Variants in SLC38A10 observed in about 807,000 individuals in gnomAD.
SLC38A10 encodes the protein Sodium-coupled neutral amino acid transporter 10.
Under a neutral mutation model 81.0 loss-of-function variants are expected in SLC38A10, and 53 were observed. The ratio of observed to expected loss-of-function variants is 0.65; its 90% CI spans 0.53 to 0.82. The LOEUF (loss-of-function observed/expected upper bound fraction) is 0.82. Ranked by LOEUF, SLC38A10 falls within the 40% of genes least tolerant of loss-of-function variation. The pLI is 0.00. For synonymous variants in SLC38A10, 665 were observed against 655.3 expected (o/e 1.01, Z -0.23); for missense variants, 1,471 against 1,545.0 (o/e 0.95, Z 0.80).
Position 81,253,588 on chromosome 17 carries a change from TCCA to T in SLC38A10, c.1289-351_1289-349del, listed in dbSNP as rs367868065. Among the ~76,000 whole-genome samples the T allele has an allele frequency of 0.049, 7,338 of 150,512 alleles. 220 individuals carry two copies. The highest frequency in any genetic ancestry group is 0.087 in the Middle Eastern group (25 of 286). On this transcript the variant is annotated intron_variant, in intron 11 of 15. Coordinates refer to ENST00000374759, the MANE Select transcript of SLC38A10 (RefSeq NM_001037984.3). The surrounding 1 kb of genome is among the most constrained non-coding windows in gnomAD (Gnocchi z 4.1). ...CATCATCACCGTCATCACCGTCACC[TCCA>T]CCACCACCACCACCATCACCGCTAT... is the stretch of plus-strand genomic sequence containing the variant.
rs747917000 is a variant in SLC38A10 at position 81,276,114 on chromosome 17, G to A, written c.767C>T (p.Thr256Met). ...AAAGTGCATGAGCACGTTGCCGGCC[G>A]TGGCCTCGGTGAAGCTGACGTAGCC... ...FFGYVSFTEA[T>M]AGNVLMHFPS... Residue 256 changes from threonine (T) to methionine (M), a missense_variant, in exon 8 of 16, where the codon ACG becomes ATG. This residue lies in a region of SLC38A10 where 720 missense variants were observed against 827.7 expected (regional missense o/e 0.87). Transcript: ENST00000374759. This position sits in a 1 kb window ranked among gnomAD's most constrained non-coding sequence, Gnocchi z 4.7. The A allele has an allele frequency of 1.1e-5, 18 of 1,613,264 alleles. No homozygotes were observed. The highest frequency in any genetic ancestry group is 1.4e-5 in the Non-Finnish European group (16 of 1,179,730).
intron 13 of SLC38A10, 65 bp from the exon 14 acceptor site, chr17:81,251,677 G>A (rs2062916230): frequency 7.0e-7 from 1 of 1,435,788 alleles, no homozygotes; most frequent in Non-Finnish European, 9.1e-7. Context: ...GGGGGGTTGG[G>A]GGACAGAAGG....
At chr17:81,250,793 G>A (rs1244275307) in intron 14 of SLC38A10, 2 of 984,514 alleles carry the variant, frequency 2.0e-6, no homozygotes, top group Admixed American at 5.5e-5. Flanking sequence ...CACAGACGGG[G>A]CTGCTGCTAC....
Position 81,251,563 on chromosome 17 carries a change from C to CAGCCCAGGCCCTGG in SLC38A10, c.1981_1994dup (p.Pro666GlnfsTer44). ...CCCTCTGCTCGCGAGGCTCGGGCGG[C>CAGCCCAGGCCCTGG]AGCCCAGGCCCTGGAGCCGGCTTCT... On this transcript the variant is annotated frameshift_variant, in exon 14 of 16. Transcript: ENST00000374759. LOFTEE classifies it high-confidence loss of function. 1 of 1,502,490 alleles carries CAGCCCAGGCCCTGG rather than the reference C, an allele frequency of 6.7e-7. No homozygotes were observed. Among genetic ancestry groups the CAGCCCAGGCCCTGG allele is most frequent in the Non-Finnish European group, 8.8e-7 (1 of 1,131,558 alleles). The allele number at this position is 1,502,490 out of a possible 1,614,324, so 93.1% of individuals were successfully genotyped here.
At chr17:81,262,509 T>C (rs772494826) in intron 10 of SLC38A10, among the ~76,000 whole-genome samples, 4 of 152,174 alleles carry the variant, frequency 2.6e-5, no homozygotes. Flanking sequence ...GCTAAGTGCA[T>C]CTCACATTTC....
At chr17:81,290,198 C>T (rs1334467422) in intron 1 of SLC38A10, among the ~76,000 whole-genome samples, 2 of 152,150 alleles carry the variant, frequency 1.3e-5, no homozygotes, top group Admixed American at 1.3e-4. Flanking sequence ...TGCCATTTTC[C>T]CCGTTCTCAT....
At chr17:81,256,563 C>T (rs1338432508) in intron 11 of SLC38A10, among the ~76,000 whole-genome samples, 1 of 152,236 alleles carries the variant, frequency 6.6e-6, no homozygotes, top group Non-Finnish European at 1.5e-5. Context: ...CTCCCGGCAT[C>T]CCACGGACGG....
chr17:81,254,543 G>A (rs2062955070), intron 11 of SLC38A10, among the ~76,000 whole-genome samples: 1 of 152,178 alleles, frequency 6.6e-6, no homozygotes, highest in East Asian at 1.9e-4. Context: ...TGCCTCCCAG[G>A]TTCAAGCAAT....
chr17:81,246,028 A>C lies in SLC38A10; in HGVS notation c.2888T>G (p.Val963Gly). The change falls in exon 16 of 16, where the codon GTC becomes GGC. Residue 963 changes from valine (V) to glycine (G), a missense_variant. Transcript: ENST00000374759. ...TCCACCCTGCTCGCCATCAGAGATG[A>C]CCCGCAGTTCCGGCTGGCGTAACAC... ...QAVLRQPELR[V>G]ISDGEQGGQQ... 6.2e-7 allele frequency: 1 copy of C among 1,610,562 alleles called. No individual in the cohort carries two copies.
At chr17:81,285,046 C>T (rs2063251129) in intron 2 of SLC38A10, 151 bp from the exon 3 acceptor site, 1 of 567,894 alleles carries the variant, frequency 1.8e-6, no homozygotes, top group Non-Finnish European at 3.0e-6. Flanking sequence ...TTCTGGCTGC[C>T]AGGTTATTTT....
At chr17:81,269,101 T>C (rs2063093453) in intron 10 of SLC38A10, among the ~76,000 whole-genome samples, 1 of 152,168 alleles carries the variant, frequency 6.6e-6, no homozygotes, top group East Asian at 1.9e-4. Context: ...CTGCTCCTAA[T>C]AACATGGCTT....
chr17:81,272,539 A>AC lies in SLC38A10; in HGVS notation c.1000dup (p.Val334GlyfsTer106). 1 of 1,597,428 alleles carries AC rather than the reference A, an allele frequency of 6.3e-7. No individual in the cohort carries two copies. The highest frequency in any genetic ancestry group is 8.5e-7 in the Non-Finnish European group (1 of 1,173,308). ...ACCGTTGGGGATAAGGATGCCACCA[A>AC]CCATGGTTCCAAACACCACAGAGAG... On this transcript the variant is annotated frameshift_variant, in exon 9 of 16. Coordinates refer to ENST00000374759, the MANE Select transcript of SLC38A10 (RefSeq NM_001037984.3). LOFTEE classifies it high-confidence loss of function.
In SLC38A10 at chr17:81,276,764, T is replaced by A. The variant is rs1193197481; in HGVS notation, c.729+267A>T. Among the ~76,000 whole-genome samples, 3 of 152,228 alleles carry A rather than the reference T, an allele frequency of 2.0e-5. No individual in the cohort carries two copies. The highest frequency in any genetic ancestry group is 4.4e-5 in the Non-Finnish European group (3 of 68,032). ...TAAGAGTGGCTCGGATAAAGGGTTC[T>A]GGGAGCAGCCCTGGTGCCCAGCTCC... On this transcript the variant is annotated intron_variant, in intron 7 of 15. Coordinates refer to ENST00000374759, the MANE Select transcript of SLC38A10 (RefSeq NM_001037984.3). This position sits in a 1 kb window ranked among gnomAD's most constrained non-coding sequence, Gnocchi z 4.7.
At chr17:81,267,635 G>C (rs1231600027) in intron 10 of SLC38A10, among the ~76,000 whole-genome samples, 1 of 152,142 alleles carries the variant, frequency 6.6e-6, no homozygotes, top group Non-Finnish European at 1.5e-5. Context: ...GCTATCTTAA[G>C]CTCCTAAAAC....
intron 10 of SLC38A10, among the ~76,000 whole-genome samples, chr17:81,266,180 T>A (rs557066854): frequency 3.3e-5 from 5 of 152,294 alleles, no homozygotes; most frequent in Admixed American, 3.3e-4. Flanking sequence ...GAGGAAGCGC[T>A]GCAGCAATTG....
chr17:81,258,405 C>G (rs190605744), intron 11 of SLC38A10, among the ~76,000 whole-genome samples: 1 of 152,296 alleles, frequency 6.6e-6, no homozygotes, highest in African/African-American at 2.4e-5. Flanking sequence ...GTGGAAGAAA[C>G]AGAAACCAGA....
intron 14 of SLC38A10, among the ~76,000 whole-genome samples, chr17:81,249,368 AGG>A (rs1482747618): frequency 1.1e-5 from 1 of 94,636 alleles, no homozygotes; most frequent in Non-Finnish European, 2.1e-5. Context: ...AGGAGGAGGG[AGG>A]GAAGAGGAGC....
intron 14 of SLC38A10, chr17:81,251,016 C>G: frequency 7.1e-7 from 1 of 1,411,414 alleles, no homozygotes; most frequent in Non-Finnish European, 9.2e-7. Context: ...TGGGCCAGGG[C>G]TATGCTAGGA....
At chr17:81,249,843 C>A (rs2062894145) in intron 14 of SLC38A10, among the ~76,000 whole-genome samples, 1 of 152,140 alleles carries the variant, frequency 6.6e-6, no homozygotes, top group South Asian at 2.1e-4. Flanking sequence ...AAGGCCACAG[C>A]AGGGCTGAGA....
Sources: allele counts gnomAD v4.1 joint callset (sites outside exome capture counted in the v4.1 genomes callset), GRCh38; gene constraint gnomAD v4.1.1; regional missense constraint gnomAD v4.1.1; non-coding constraint Gnocchi (gnomAD v3.1); transcripts MANE v1.5; gene names NCBI Gene and HGNC (gene_info 2026-07-23, HGNC 2026-07-21).